The following PHF21A variants were observed in gnomAD, a reference collection of about 807,000 sequenced individuals.
PHF21A encodes PHD finger protein 21A.
PHF21A carries 11 observed loss-of-function variants against 82.5 expected under a neutral mutation model. The observed-to-expected ratio is 0.13, with a 90% confidence interval of 0.08 to 0.22. The LOEUF is 0.22. Among genes scored for constraint, PHF21A ranks in the 10% least tolerant of loss-of-function variants. The pLI is 1.00. For missense variants in PHF21A, 579 were observed against 837.8 expected, an observed-to-expected ratio of 0.69 and a Z score of 3.81; for synonymous variants, 297 against 302.8, an observed-to-expected ratio of 0.98 and a Z score of 0.20.
chr11:46,093,136 C>G (rs535905623), intron 1 of PHF21A, among the ~76,000 whole-genome samples: 133 of 152,170 alleles, frequency 8.7e-4, no homozygotes, highest in Non-Finnish European at 1.3e-3. Flanking sequence ...GTGATGAAGC[C>G]AGAAAGAAAA....
intron 6 of PHF21A, among the ~76,000 whole-genome samples, chr11:46,002,299 ATT>A (rs920148935): frequency 6.6e-6 from 1 of 152,174 alleles, no homozygotes; most frequent in Non-Finnish European, 1.5e-5. Context: ...CATCCTCACC[ATT>A]TGTTACTATA....
intron 6 of PHF21A, among the ~76,000 whole-genome samples, chr11:45,981,430 C>T (rs1591556946): frequency 1.4e-5 from 2 of 145,548 alleles, no homozygotes. Context: ...CTATATTGCT[C>T]AGTAAATGTC....
chr11:45,980,319 C>T (rs186297697), intron 6 of PHF21A, among the ~76,000 whole-genome samples: 2 of 152,294 alleles, frequency 1.3e-5, no homozygotes, highest in African/African-American at 4.8e-5. Context: ...CCTACTTCAA[C>T]TCCAATTTCA....
chr11:46,081,833 C>T (rs566418297), intron 4 of PHF21A, among the ~76,000 whole-genome samples: 24 of 152,298 alleles, frequency 1.6e-4, no homozygotes, highest in African/African-American at 5.5e-4. Flanking sequence ...ATATATTGTC[C>T]GTGGCTGTTT....
chr11:45,958,449 T>TACACACACACACACAC (rs60775450), intron 10 of PHF21A, among the ~76,000 whole-genome samples: 1 of 15,078 alleles, frequency 6.6e-5, no homozygotes, highest in African/African-American at 1.9e-4. Flanking sequence ...TATATATATA[T>TACACACACACACACAC]ACACACACAC....
In PHF21A at chr11:45,932,235, AG is replaced by A. The variant is rs1468375866; in HGVS notation, c.*1732del. 2.6e-5 allele frequency: 4 copies of A among 152,270 alleles called. No homozygotes were observed. The highest frequency in any genetic ancestry group is 4.8e-5 in the African/African-American group (2 of 41,466). 9.4% of individuals were successfully genotyped at this position (152,270 alleles called of 1,614,324 possible). On this transcript the variant is annotated 3_prime_UTR_variant, in exon 19 of 19. Transcript: ENST00000676320. The surrounding 1 kb of genome is among the most constrained non-coding windows in gnomAD (Gnocchi z 4.3). ...GCCAGTTCCCTCGGAGGTGTCCCCC[AG>A]GCACTCATAATGCTGGTGGCTGAAA...
At position 45,938,310 on chromosome 11, in the gene PHF21A, A is replaced by C. The variant is rs2089581203; in HGVS notation, c.1455T>G (p.Gly485=). 6.2e-7 allele frequency: 1 copy of C among 1,608,446 alleles called. No homozygotes were observed. The highest frequency in any genetic ancestry group is 1.3e-5 in the African/African-American group (1 of 74,864). Residue 485 remains glycine, a splice_region_variant and synonymous_variant, in exon 16 of 19, where the codon GGT becomes GGG. Coordinates refer to ENST00000676320, the MANE Select transcript of PHF21A (RefSeq NM_001352027.3). ...VSLPSPTSTD[G]DIHEDFCSVC... is the part of the protein sequence containing the mutation. ...CGCTGCAAAAATCCTCATGAATATC[A>C]CCCTATAAAGTTGAGAGGAAAGGTA...
chr11:46,088,993 A>C (rs1276825875), intron 3 of PHF21A, among the ~76,000 whole-genome samples: 1 of 152,114 alleles, frequency 6.6e-6, no homozygotes, highest in Non-Finnish European at 1.5e-5. Flanking sequence ...TTCCAATCAA[A>C]ACTTGACTCA....
chr11:45,962,492 AAG>A (rs1237496067), intron 10 of PHF21A, among the ~76,000 whole-genome samples: 1 of 152,128 alleles, frequency 6.6e-6, no homozygotes. Context: ...ATCTAGTCTA[AAG>A]AGAGTCTCTG....
intron 9 of PHF21A, among the ~76,000 whole-genome samples, chr11:45,968,853 C>A (rs2093597942): frequency 6.6e-6 from 1 of 150,542 alleles, no homozygotes; most frequent in Non-Finnish European, 1.5e-5. Flanking sequence ...ATCGCTTGAA[C>A]CTGGTGGGTG....
At chr11:46,056,244 T>C (rs193218489) in intron 6 of PHF21A, among the ~76,000 whole-genome samples, 1 of 152,252 alleles carries the variant, frequency 6.6e-6, no homozygotes, top group African/African-American at 2.4e-5. Context: ...ATTAAGTCTT[T>C]CTCAAGAGAG....
At chr11:46,080,350 G>C (rs530773776) in intron 4 of PHF21A, among the ~76,000 whole-genome samples, 50 of 151,714 alleles carry the variant, frequency 3.3e-4, no homozygotes, top group African/African-American at 1.2e-3. Flanking sequence ...GTAGAGACAG[G>C]GTCTTGTTAT....
intron 6 of PHF21A, among the ~76,000 whole-genome samples, chr11:46,061,376 T>C (rs975078772): frequency 2.6e-5 from 4 of 152,254 alleles, no homozygotes; most frequent in African/African-American, 9.6e-5. Flanking sequence ...AGGAATAGCA[T>C]TGAATCTGTA....
chr11:45,953,925 G>A (rs961135334), intron 10 of PHF21A, among the ~76,000 whole-genome samples: 1 of 152,190 alleles, frequency 6.6e-6, no homozygotes, highest in African/African-American at 2.4e-5. Flanking sequence ...ATACGGTACA[G>A]GTTGTCCTTT....
intron 10 of PHF21A, among the ~76,000 whole-genome samples, chr11:45,956,448 G>A (rs1020482622): frequency 6.6e-6 from 1 of 151,982 alleles, no homozygotes; most frequent in Non-Finnish European, 1.5e-5. Flanking sequence ...TTCCTTCATT[G>A]TCACTGGCAA....
At chr11:45,970,446 A>G (rs1195835383) in intron 8 of PHF21A, 2 of 152,792 alleles carry the variant, frequency 1.3e-5, no homozygotes, top group African/African-American at 4.8e-5. Context: ...AAGAGCTCTT[A>G]GGTGCCATTT....
intron 6 of PHF21A, among the ~76,000 whole-genome samples, chr11:46,013,281 T>C (rs780273754): frequency 6.6e-6 from 1 of 152,124 alleles, no homozygotes; most frequent in Non-Finnish European, 1.5e-5. Flanking sequence ...AACTGCACGC[T>C]TAGAGTAGCC....
intron 6 of PHF21A, among the ~76,000 whole-genome samples, chr11:46,045,509 T>A (rs2096243808): frequency 6.6e-6 from 1 of 152,198 alleles, no homozygotes; most frequent in Non-Finnish European, 1.5e-5. Flanking sequence ...TGCTATATTT[T>A]ACCCAAGTAA....
chr11:46,049,407 A>G (rs1381507183), intron 6 of PHF21A: 2 of 455,560 alleles, frequency 4.4e-6, no homozygotes, highest in African/African-American at 4.0e-5. Flanking sequence ...TACGTTCAGT[A>G]GGTCAAGCAT....
Sources: gnomAD v4.1 joint callset for allele counts (sites outside exome capture counted in the v4.1 genomes callset) on GRCh38, gnomAD v4.1.1 for gene constraint, Gnocchi (gnomAD v3.1) non-coding constraint, MANE v1.5 for transcripts, NCBI Gene and HGNC (gene_info 2026-07-23, HGNC 2026-07-21) for gene names.